NUP42: variants seen among roughly 807,000 people sequenced by gnomAD.
NUP42 encodes the protein nucleoporin 42.
NUP42 carries 47 observed loss-of-function variants against 35.9 expected under a neutral mutation model. That is an observed-to-expected ratio of 1.31 (90% CI 1.04 to 1.67). The LOEUF is 1.67. NUP42 is among the 40% of genes most tolerant of loss of function. The pLI, the probability that NUP42 is intolerant of heterozygous loss-of-function variation, is 0.00. For synonymous variants in NUP42, 173 were observed against 173.3 expected (o/e 1.00, Z 0.01); for missense variants, 514 against 492.2 (o/e 1.04, Z -0.42).
rs528327634 is a variant in NUP42, at chr7:23,192,296, G to A, written c.446-3543G>A. Among the ~76,000 whole-genome samples the A allele has an allele frequency of 9.2e-5, 14 of 151,514 alleles. No homozygotes were observed. The East Asian group carries it at 9.8e-4, about 11-fold the overall frequency. Reference sequence around the variant, plus strand: ...CGCGGTGGCTCACGCCTGTAATCTCGGCACTTTGGGAGGCTGAGGCGGGTG... The same window carrying A: ...CGCGGTGGCTCACGCCTGTAATCTCAGCACTTTGGGAGGCTGAGGCGGGTG... On this transcript the variant is annotated intron_variant, in intron 3 of 6. Transcript: ENST00000258742.
chr7:23,185,245 G>C lies in NUP42; in HGVS notation c.297G>C (p.Glu99Asp). Residue 99 changes from glutamate (E) to aspartate (D), a missense_variant, in exon 2 of 7, where the codon GAG becomes GAC. Glu to Asp is a conservative substitution (Grantham distance 45). Transcript: ENST00000258742. The stretch of plus-strand genomic sequence containing the variant: ...GGAAGGAAGGCTTTGGATTGTCTGA[G>C]AACCCATTTGCTTCACTTAGTCCTG... ...TNRKEGFGLS[E>D]NPFASLSPDE... The C allele has an allele frequency of 6.2e-7, 1 of 1,614,108 alleles. No individual in the cohort carries two copies. Among genetic ancestry groups the C allele is most frequent in the Non-Finnish European group, 8.5e-7 (1 of 1,180,016 alleles).
At chr7:23,192,853 T>A (rs965830467) in intron 3 of NUP42, among the ~76,000 whole-genome samples, 1 of 152,312 alleles carries the variant, frequency 6.6e-6, no homozygotes, top group Non-Finnish European at 1.5e-5. Flanking sequence ...TATGTATACC[T>A]ATGTGTCCGG....
In NUP42 at chr7:23,200,346, G is replaced by A. The variant is rs772450262; in HGVS notation, c.873G>A (p.Gly291=). ...CTTCTGCTCCAGCTTTTGGATTTGGGAAGCCTGAAGTCACATCGGCTGCAT... is the reference window on the plus strand; with the variant it reads ...CTTCTGCTCCAGCTTTTGGATTTGGAAAGCCTGAAGTCACATCGGCTGCAT... ...ISTSAPAFGF[G]KPEVTSAASF... is the part of the protein sequence containing the mutation. Residue 291 remains glycine (G), a synonymous_variant, in exon 7 of 7, where the codon GGG becomes GGA. Transcript: ENST00000258742. 1 of 1,611,598 alleles carries A rather than the reference G, an allele frequency of 6.2e-7. No homozygotes were observed. The highest frequency in any genetic ancestry group is 8.5e-7 in the Non-Finnish European group (1 of 1,178,614).
rs779796981 is a variant in NUP42, at chr7:23,200,335, T to G, written c.862T>G (p.Phe288Val). 1 of 1,610,082 alleles carries G rather than the reference T, an allele frequency of 6.2e-7. No individual in the cohort carries two copies. Among genetic ancestry groups the G allele is most frequent in the East Asian group, 2.2e-5 (1 of 44,842 alleles). Residue 288 changes from phenylalanine to valine, a missense_variant, in exon 7 of 7, where the codon TTT (phenylalanine) becomes GTT (valine). Coordinates refer to ENST00000258742, the MANE Select transcript of NUP42 (RefSeq NM_007342.3). ...SSGISTSAPA[F>V]GFGKPEVTSA... The stretch of plus-strand genomic sequence containing the variant: ...AGGTATCTCTACTTCTGCTCCAGCT[T>G]TTGGATTTGGGAAGCCTGAAGTCAC...
intron 1 of NUP42, among the ~76,000 whole-genome samples, chr7:23,183,379 C>A (rs371488161): frequency 6.6e-6 from 1 of 152,062 alleles, no homozygotes; most frequent in Non-Finnish European, 1.5e-5. Flanking sequence ...GCCACCATGC[C>A]CTTGATAATT....
At chr7:23,186,386 TAC>T (rs1785597324) in intron 2 of NUP42, among the ~76,000 whole-genome samples, 1 of 152,210 alleles carries the variant, frequency 6.6e-6, no homozygotes, top group African/African-American at 2.4e-5. Flanking sequence ...CTAAATTTAA[TAC>T]AGTTTTCTCT....
At chr7:23,188,292 A>G in intron 3 of NUP42, 1 of 1,203,524 alleles carries the variant, frequency 8.3e-7, no homozygotes, top group East Asian at 3.5e-5. Flanking sequence ...TTTTGTGCTA[A>G]GTGCTAGGAA....
chr7:23,196,962 A>G (rs1786033814), intron 5 of NUP42, among the ~76,000 whole-genome samples, 196 bp downstream of exon 5: 1 of 152,242 alleles, frequency 6.6e-6, no homozygotes, highest in Non-Finnish European at 1.5e-5. Context: ...GAAAAGCAGA[A>G]ATAGTTATGC....
In NUP42 at chr7:23,200,029, A is replaced by G. The variant is rs761704261; in HGVS notation, c.695-139A>G. ...CTAGCCTCTCATTTTTACTTTCCTC[A>G]TCTCGTCCGTCCAGTAAGCTTCTCA... On this transcript the variant is annotated intron_variant, in intron 6 of 6. Transcript: ENST00000258742. 19 of 651,240 alleles carry G rather than the reference A, an allele frequency of 2.9e-5. No homozygotes were observed. In the South Asian group the frequency reaches 3.7e-4, roughly 13 times the overall value. 40.3% of individuals were successfully genotyped at this position (651,240 alleles called of 1,614,324 possible). A position where few individuals can be genotyped will look rare whatever the true frequency, so the allele number is the denominator to read the frequency against.
chr7:23,188,566 T>C (rs1219336261), intron 3 of NUP42: 6 of 978,884 alleles, frequency 6.1e-6, no homozygotes, highest in Non-Finnish European at 7.3e-6. Flanking sequence ...AGATAAAATA[T>C]GGGACATCCG....
chr7:23,195,847 G>C lies in NUP42; in HGVS notation c.454G>C (p.Asp152His). The C allele has an allele frequency of 6.3e-7, 1 of 1,597,438 alleles. No homozygotes were observed. Among genetic ancestry groups the C allele is most frequent in the Non-Finnish European group, 8.5e-7 (1 of 1,171,050 alleles). Residue 152 changes from aspartate to histidine, a missense_variant, in exon 4 of 7, where the codon GAC (aspartate) becomes CAC (histidine). By Grantham distance (81) the Asp-to-His change is moderately conservative. Transcript: ENST00000258742. The part of the protein sequence containing the change: ...KKKPNISGFT[D>H]ISPEELRLEY... ...TTGATTCCTCACTTCAGGTTTTACA[G>C]ACATTTCACCAGAGGAATTGAGGCT... is the stretch of plus-strand genomic sequence containing the variant.
chr7:23,199,397 G>A (rs1786128269), intron 5 of NUP42, 61 bp from the exon 6 acceptor site: 1 of 1,359,034 alleles, frequency 7.4e-7, no homozygotes, highest in Non-Finnish European at 1.1e-6. Context: ...AAAGTGTATA[G>A]AAAAGATACT....
At chr7:23,199,816 G>A (rs917177426) in intron 6 of NUP42, among the ~76,000 whole-genome samples, 6 of 152,214 alleles carry the variant, frequency 3.9e-5, no homozygotes, top group African/African-American at 1.4e-4. Context: ...CAGCACCTTT[G>A]AGAACTTTCT....
chr7:23,199,659 A>G (rs1175212020), intron 6 of NUP42, 117 bp downstream of exon 6: 1 of 849,172 alleles, frequency 1.2e-6, no homozygotes, highest in African/African-American at 1.7e-5. Context: ...ACAACCTTCC[A>G]TCATAGAGCC....
At chr7:23,199,341 C>A in intron 5 of NUP42, 117 bp from the exon 6 acceptor site, 3 of 800,186 alleles carry the variant, frequency 3.7e-6, no homozygotes, top group Admixed American at 4.0e-5. Flanking sequence ...TGTGAGCCAC[C>A]ACACCCAGCC....
At chr7:23,197,144 G>A (rs1437595305) in intron 5 of NUP42, 7 of 1,156,360 alleles carry the variant, frequency 6.1e-6, no homozygotes, top group African/African-American at 1.6e-5. Context: ...TGCGACTGAA[G>A]AACACAGTAT....
intron 3 of NUP42, chr7:23,195,204 TC>T (rs1785971815): frequency 2.0e-5 from 3 of 152,250 alleles, no homozygotes; most frequent in Non-Finnish European, 2.9e-5. Context: ...CCATTTTAAT[TC>T]CCTTAACGGT....
chr7:23,185,613 T>C (rs971411746), intron 2 of NUP42, among the ~76,000 whole-genome samples: 1 of 152,376 alleles, frequency 6.6e-6, no homozygotes, highest in African/African-American at 2.4e-5. Flanking sequence ...TTGATAACAC[T>C]ATATTGTGAA....
At chr7:23,189,383 G>T (rs572659900) in intron 3 of NUP42, among the ~76,000 whole-genome samples, 1 of 152,252 alleles carries the variant, frequency 6.6e-6, no homozygotes, top group Admixed American at 6.5e-5. Context: ...GGGAGGCTGC[G>T]GTGGGAGAAT....
Sources: gnomAD v4.1 joint callset for allele counts (sites outside exome capture counted in the v4.1 genomes callset) on GRCh38, gnomAD v4.1.1 for gene constraint, MANE v1.5 for transcripts, NCBI Gene and HGNC (gene_info 2026-07-23, HGNC 2026-07-21) for gene names.